The following SCAPER variants were observed in gnomAD, a reference collection of about 807,000 sequenced individuals.
The protein encoded by SCAPER is S phase cyclin A-associated protein in the endoplasmic reticulum.
A neutral mutation model predicts 182.2 loss-of-function variants in SCAPER; 98 were observed. That is an observed-to-expected ratio of 0.54 (90% CI 0.46 to 0.64). The LOEUF (loss-of-function observed/expected upper bound fraction) is 0.64, where lower values mean the gene tolerates loss of function less well. Among genes scored for constraint, SCAPER ranks in the 30% least tolerant of loss-of-function variants. The pLI, the probability that SCAPER is intolerant of heterozygous loss-of-function variation, is 0.00. For missense variants in SCAPER, 1,432 were observed against 1,690.0 expected (o/e 0.85, Z 2.68); for synonymous variants, 605 against 564.6 (o/e 1.07, Z -1.01).
rs777250353 is a variant in SCAPER, at chr15:76,376,195, C to A, written c.3822G>T (p.Val1274=). 1.2e-6 allele frequency: 2 copies of A among 1,613,912 alleles called. No homozygotes were observed. The highest frequency in any genetic ancestry group is 1.7e-5 in the Admixed American group (1 of 60,018). ...CTGGGTGGTTGACAGTGAAGTAGCC[C>A]ACACAGACGATGACCTCATGAAGGA... The part of the protein sequence containing the change: ...ESLLHEVIVC[V]GYFTVNHPDN... Residue 1274 remains valine (V), a synonymous_variant, in exon 29 of 32, where the codon GTG becomes GTT. Transcript: ENST00000563290.
At chr15:76,776,274 A>G (rs903189654) in intron 8 of SCAPER, among the ~76,000 whole-genome samples, 7 of 152,200 alleles carry the variant, frequency 4.6e-5, no homozygotes, top group Non-Finnish European at 1.5e-5. Flanking sequence ...GTGGCCTAAC[A>G]AAACAGAAAA....
intron 1 of SCAPER, among the ~76,000 whole-genome samples, chr15:76,885,938 T>G (rs1405207705): frequency 1.3e-5 from 2 of 152,264 alleles, no homozygotes. Context: ...ATATCTTTAC[T>G]ACTGTGAATA....
chr15:76,430,341 C>T, intron 26 of SCAPER, among the ~76,000 whole-genome samples: 1 of 152,294 alleles, frequency 6.6e-6, no homozygotes, highest in South Asian at 2.1e-4. Context: ...CCTCCAGACC[C>T]CAGAATGGTA....
At chr15:76,783,832 C>T (rs2064358338) in intron 8 of SCAPER, among the ~76,000 whole-genome samples, 1 of 152,212 alleles carries the variant, frequency 6.6e-6, no homozygotes, top group South Asian at 2.1e-4. Flanking sequence ...CAAAATTCAA[C>T]AGCACTTCAT....
At chr15:76,817,168 T>A (rs1278731527) in intron 5 of SCAPER, among the ~76,000 whole-genome samples, 2 of 152,232 alleles carry the variant, frequency 1.3e-5, no homozygotes, top group African/African-American at 4.8e-5. Context: ...GAACCACCAT[T>A]GTAGGTCAGC....
At chr15:76,630,934 C>A (rs896125350) in intron 21 of SCAPER, among the ~76,000 whole-genome samples, 2 of 152,166 alleles carry the variant, frequency 1.3e-5, no homozygotes, top group Non-Finnish European at 2.9e-5. Context: ...GAGTCTAAGT[C>A]TCTCTGTAGG....
At chr15:76,488,736 TTTTTTTTG>T (rs1343565676) in intron 24 of SCAPER, among the ~76,000 whole-genome samples, 2 of 76,656 alleles carry the variant, frequency 2.6e-5, no homozygotes, top group African/African-American at 7.2e-5. Context: ...TTTTTTTTTT[TTTTTTTTG>T]AGACGGAGTC....
intron 25 of SCAPER, among the ~76,000 whole-genome samples, chr15:76,469,234 A>C (rs995200931): frequency 1.3e-5 from 2 of 152,200 alleles, no homozygotes; most frequent in African/African-American, 4.8e-5. Context: ...CCAACATAGA[A>C]TAAGCTTCAT....
intron 23 of SCAPER, among the ~76,000 whole-genome samples, chr15:76,508,114 C>G (rs939763128): frequency 1.3e-5 from 2 of 152,164 alleles, no homozygotes; most frequent in African/African-American, 4.8e-5. Flanking sequence ...TAAAGGTTAT[C>G]CTGACTTTTA....
At chr15:76,557,807 G>A (rs967783122) in intron 23 of SCAPER, among the ~76,000 whole-genome samples, 1 of 152,046 alleles carries the variant, frequency 6.6e-6, no homozygotes, top group Non-Finnish European at 1.5e-5. Flanking sequence ...CAGATACATA[G>A]ACCAATGGAA....
At chr15:76,467,082 C>T (rs548792451) in intron 25 of SCAPER, among the ~76,000 whole-genome samples, 1 of 152,216 alleles carries the variant, frequency 6.6e-6, no homozygotes, top group South Asian at 2.1e-4. Flanking sequence ...TCCTCCTTCT[C>T]CAGCCATGTA....
At chr15:76,500,951 G>T (rs1239720055) in intron 24 of SCAPER, among the ~76,000 whole-genome samples, 1 of 151,702 alleles carries the variant, frequency 6.6e-6, no homozygotes, top group East Asian at 1.9e-4. Flanking sequence ...GCTGAGGCAC[G>T]TGAATCGCTT....
intron 3 of SCAPER, among the ~76,000 whole-genome samples, chr15:76,861,464 T>C (rs1328451412): frequency 6.6e-6 from 1 of 152,090 alleles, no homozygotes; most frequent in Non-Finnish European, 1.5e-5. Flanking sequence ...CAAACCTAAC[T>C]GTGAGGAATA....
At chr15:76,725,547 A>T (rs770039508) in intron 17 of SCAPER, among the ~76,000 whole-genome samples, 2 of 152,138 alleles carry the variant, frequency 1.3e-5, no homozygotes, top group Non-Finnish European at 2.9e-5. Context: ...AAGCCAAAAC[A>T]ATCTTGAAAA....
intron 23 of SCAPER, among the ~76,000 whole-genome samples, chr15:76,540,544 AAT>A (rs1480965307): frequency 2.0e-5 from 3 of 152,110 alleles, no homozygotes; most frequent in Non-Finnish European, 4.4e-5. Context: ...TTTTAATAAA[AAT>A]ATATGAGTGT....
chr15:76,765,487 C>T (rs1349881745), intron 12 of SCAPER, 33 bp from the exon 13 acceptor site: 5 of 1,609,780 alleles, frequency 3.1e-6, no homozygotes, highest in Non-Finnish European at 3.4e-6. Context: ...ATTGTTTAGC[C>T]ACATAGGTCT....
chr15:76,818,722 G>C (rs2067277944), intron 5 of SCAPER, among the ~76,000 whole-genome samples: 1 of 152,240 alleles, frequency 6.6e-6, no homozygotes. Flanking sequence ...TCTCACTGGG[G>C]AGTGCCAGAC....
chr15:76,390,247 G>A (rs2043595328), intron 27 of SCAPER, among the ~76,000 whole-genome samples: 1 of 152,204 alleles, frequency 6.6e-6, no homozygotes, highest in African/African-American at 2.4e-5. Flanking sequence ...GAGCCACTGT[G>A]CCTGGCTAAA....
chr15:76,622,027 T>G (rs561453975), intron 21 of SCAPER, among the ~76,000 whole-genome samples, 198 bp from the exon 22 acceptor site: 1 of 152,240 alleles, frequency 6.6e-6, no homozygotes, highest in South Asian at 2.1e-4. Flanking sequence ...ACAAAAAAAG[T>G]CATTTAATTT....
Sources: gnomAD v4.1 joint callset for allele counts (sites outside exome capture counted in the v4.1 genomes callset) on GRCh38, gnomAD v4.1.1 for gene constraint, MANE v1.5 for transcripts, NCBI Gene and HGNC (gene_info 2026-07-23, HGNC 2026-07-21) for gene names.